Variants in NAP1L4 observed in about 807,000 individuals in gnomAD.
NAP1L4 encodes nucleosome assembly protein 1-like 4.
NAP1L4 carries 15 observed loss-of-function variants against 58.2 expected under a neutral mutation model. The observed-to-expected ratio is 0.26, with a 90% confidence interval of 0.17 to 0.40. The LOEUF (loss-of-function observed/expected upper bound fraction) is 0.40, where lower values mean the gene tolerates loss of function less well. Ranked by LOEUF, NAP1L4 falls within the 10% of genes least tolerant of loss-of-function variation. NAP1L4 has a pLI of 1.00. For missense variants in NAP1L4, 384 were observed against 451.1 expected (o/e 0.85, Z 1.35); for synonymous variants, 171 against 155.6 (o/e 1.10, Z -0.74).
At position 2,959,151 on chromosome 11, in the gene NAP1L4, ATCTT is replaced by A. The variant is rs1846717569; in HGVS notation, c.747-611_747-608del. 6.6e-6 allele frequency among the ~76,000 whole-genome samples: 1 copy of A among 152,240 alleles called. No homozygotes were observed. The highest frequency in any genetic ancestry group is 6.5e-5 in the Admixed American group (1 of 15,288). On this transcript the variant is annotated intron_variant, in intron 9 of 15. Transcript: ENST00000380542. The surrounding 1 kb of genome is among the most constrained non-coding windows in gnomAD (Gnocchi z 4.9). The stretch of plus-strand genomic sequence containing the variant: ...CATGATGTCCTGGCCCTGGAAAATC[ATCTT>A]TCTAAATTACTCTAGCAGGATTTTA...
At chr11:2,952,827 G>C (rs1005256739) in intron 12 of NAP1L4, 1 of 152,276 alleles carries the variant, frequency 6.6e-6, no homozygotes, top group African/African-American at 2.4e-5. Flanking sequence ...TGCTCCAGAT[G>C]CATCACCCAC....
chr11:2,963,562 T>C (rs1213717396), intron 8 of NAP1L4, among the ~76,000 whole-genome samples: 2 of 152,096 alleles, frequency 1.3e-5, no homozygotes, highest in East Asian at 1.9e-4. Context: ...AAGAGACAGA[T>C]ACAGGTACAT....
At chr11:2,953,215 T>C (rs575238474) in intron 12 of NAP1L4, among the ~76,000 whole-genome samples, 3 of 152,356 alleles carry the variant, frequency 2.0e-5, no homozygotes, top group Admixed American at 6.5e-5. Context: ...GCACATGTAC[T>C]ATAAGCAAAT....
chr11:2,952,130 G>A (rs1005138304), intron 12 of NAP1L4: 1 of 406,348 alleles, frequency 2.5e-6, no homozygotes, highest in Non-Finnish European at 4.4e-6. Flanking sequence ...AGGCACACAG[G>A]AAAAGATTTT....
At chr11:2,960,869 T>C (rs936674269) in intron 8 of NAP1L4, among the ~76,000 whole-genome samples, 19 of 152,208 alleles carry the variant, frequency 1.2e-4, no homozygotes, top group Non-Finnish European at 2.4e-4. Context: ...GAGTAATTTA[T>C]AGACAGTTTA....
At position 2,948,993 on chromosome 11, in the gene NAP1L4, A is replaced by G. The variant is rs994733994; in HGVS notation, c.*32+234T>C. Among the ~76,000 whole-genome samples, 3 of 152,216 alleles carry G rather than the reference A, an allele frequency of 2.0e-5. No individual in the cohort carries two copies. The highest frequency in any genetic ancestry group is 7.2e-5 in the African/African-American group (3 of 41,450). On this transcript the variant is annotated intron_variant, in intron 15 of 15. Transcript: ENST00000380542. The surrounding 1 kb of genome is among the most constrained non-coding windows in gnomAD (Gnocchi z 5.1). Reference sequence around the variant, plus strand: ...CCATCAGCAATGAAAATTACACCCAAGTTACATCTTTGCTACTTGGTTAGC... The same window carrying G: ...CCATCAGCAATGAAAATTACACCCAGGTTACATCTTTGCTACTTGGTTAGC...
rs969760282 is a variant in NAP1L4, at chr11:2,949,056, G to A, written c.*32+171C>T. 1.3e-5 allele frequency among the ~76,000 whole-genome samples: 2 copies of A among 152,176 alleles called. No homozygotes were observed. Among genetic ancestry groups the A allele is most frequent in the Non-Finnish European group, 2.9e-5 (2 of 68,030 alleles). On this transcript the variant is annotated intron_variant, in intron 15 of 15. Transcript: ENST00000380542. This position sits in a 1 kb window ranked among gnomAD's most constrained non-coding sequence, Gnocchi z 4.0. ...GCTCAGAAAGCAGGGACCAAATCTA[G>A]GTTTGGTTCGTTGATTTTAAAAGTA...
rs1473183976 is a variant in NAP1L4 at position 2,959,065 on chromosome 11, C to A, written c.747-521G>T. 1 of 158,564 alleles carries A rather than the reference C, an allele frequency of 6.3e-6. No individual in the cohort carries two copies. Among genetic ancestry groups the A allele is most frequent in the Non-Finnish European group, 1.4e-5 (1 of 71,572 alleles). 9.8% of individuals were successfully genotyped at this position (158,564 alleles called of 1,614,324 possible). Reference sequence around the variant, plus strand: ...CAATCACCACAGACCCAGGCAACACCTGGCAGATCTCAATACTGCCCGCTT... The same window carrying A: ...CAATCACCACAGACCCAGGCAACACATGGCAGATCTCAATACTGCCCGCTT... On this transcript the variant is annotated intron_variant, in intron 9 of 15. Transcript: ENST00000380542. This position sits in a 1 kb window ranked among gnomAD's most constrained non-coding sequence, Gnocchi z 4.9.
chr11:2,958,361 A>G (rs373971631), intron 10 of NAP1L4, 38 bp downstream of exon 10: 18 of 1,607,562 alleles, frequency 1.1e-5, no homozygotes, highest in African/African-American at 9.4e-5. Context: ...ATTATTTTAT[A>G]TAAGAACATA....
intron 1 of NAP1L4, among the ~76,000 whole-genome samples, chr11:2,991,612 C>T (rs1403290035): frequency 6.6e-6 from 1 of 152,186 alleles, no homozygotes; most frequent in Non-Finnish European, 1.5e-5. Context: ...CGCACAGCTC[C>T]CAACAGCTAA....
At chr11:2,953,309 C>CGG (rs1322110923) in intron 12 of NAP1L4, among the ~76,000 whole-genome samples, 1 of 152,224 alleles carries the variant, frequency 6.6e-6, no homozygotes, top group African/African-American at 2.4e-5. Context: ...TTTAAACTGA[C>CGG]GGGTGTATGA....
intron 8 of NAP1L4, among the ~76,000 whole-genome samples, chr11:2,964,446 G>A (rs985152970): frequency 5.3e-5 from 8 of 152,256 alleles, no homozygotes; most frequent in Non-Finnish European, 8.8e-5. Flanking sequence ...ACAGACTCAC[G>A]ACTACAGTGC....
Position 2,959,858 on chromosome 11 carries a change from C to T in NAP1L4, c.658G>A (p.Val220Ile), listed in dbSNP as rs148509945. The change falls in exon 9 of 16, where the codon GTC (valine) becomes ATC (isoleucine). Residue 220 changes from valine (V) to isoleucine (I), a missense_variant. Physicochemically the swap from Val to Ile is conservative, Grantham distance 29. Around this residue, in one of 3 missense-constraint regions of NAP1L4, gnomAD observed 296 missense variants for 360.8 expected, o/e 0.82. Transcript: ENST00000380542. The surrounding 1 kb of genome is among the most constrained non-coding windows in gnomAD (Gnocchi z 4.9). ...FEPNDYFTNS[V>I]LTKTYKMKSE... ...TTCATCTTGTAGGTTTTTGTCAGGA[C>T]TGAGTTGGTAAAGTAGTCGTTGGGT... is the stretch of plus-strand genomic sequence containing the variant. 1,147 of 1,614,176 alleles carry T rather than the reference C, an allele frequency of 7.1e-4. 7 individuals are homozygous for T. The African/African-American group carries it at 0.014, about 19-fold the overall frequency.
At chr11:2,965,208 G>A (rs996350259) in intron 7 of NAP1L4, among the ~76,000 whole-genome samples, 1 of 152,232 alleles carries the variant, frequency 6.6e-6, no homozygotes, top group Non-Finnish European at 1.5e-5. Context: ...TTCCCCACCT[G>A]TGGCAATAAA....
In NAP1L4 at chr11:2,954,185, T is replaced by A; in HGVS notation, c.1035+342A>T. 1 of 294,472 alleles carries A rather than the reference T, an allele frequency of 3.4e-6. No individual in the cohort carries two copies. Among genetic ancestry groups the A allele is most frequent in the Non-Finnish European group, 6.4e-6 (1 of 155,654 alleles). The allele number at this position is 294,472 out of a possible 1,614,324, so 18.2% of individuals were successfully genotyped here. Reference sequence around the variant, plus strand: ...GTCCACTGTCAATAAATGTTTGTTGTGGCCAGACCTCCATAAAAGAGATAT... The same window carrying A: ...GTCCACTGTCAATAAATGTTTGTTGAGGCCAGACCTCCATAAAAGAGATAT... On this transcript the variant is annotated intron_variant, in intron 12 of 15. Transcript: ENST00000380542. This position sits in a 1 kb window ranked among gnomAD's most constrained non-coding sequence, Gnocchi z 4.8.
chr11:2,954,226 G>T lies in NAP1L4; in HGVS notation c.1035+301C>A. Reference sequence around the variant, plus strand: ...AAAGAGATATTCCCTGTGTTCACAAGTTCCCTGAAGCTTAGGTTTTGAGAG... The same window carrying T: ...AAAGAGATATTCCCTGTGTTCACAATTTCCCTGAAGCTTAGGTTTTGAGAG... On this transcript the variant is annotated intron_variant, in intron 12 of 15. Transcript: ENST00000380542. The surrounding 1 kb of genome is among the most constrained non-coding windows in gnomAD (Gnocchi z 4.8). 1 of 449,942 alleles carries T rather than the reference G, an allele frequency of 2.2e-6. No homozygotes were observed. Among genetic ancestry groups the T allele is most frequent in the Non-Finnish European group, 4.1e-6 (1 of 246,854 alleles). 27.9% of individuals were successfully genotyped at this position (449,942 alleles called of 1,614,324 possible). A position where few individuals can be genotyped will look rare whatever the true frequency, so the allele number is the denominator to read the frequency against.
intron 1 of NAP1L4, among the ~76,000 whole-genome samples, chr11:2,987,556 G>A (rs529646749): frequency 1.8e-4 from 27 of 151,508 alleles, no homozygotes; most frequent in African/African-American, 6.5e-4. Flanking sequence ...AGGAGTTCGA[G>A]ACCAGCCTGA....
At chr11:2,958,004 G>T (rs1387765171) in intron 10 of NAP1L4, among the ~76,000 whole-genome samples, 4 of 152,222 alleles carry the variant, frequency 2.6e-5, no homozygotes, top group Non-Finnish European at 5.9e-5. Context: ...TCCCCGGGGG[G>T]TGCGAACCAG....
chr11:2,966,585 TAAAAC>T (rs1847299615), intron 7 of NAP1L4, among the ~76,000 whole-genome samples: 1 of 152,216 alleles, frequency 6.6e-6, no homozygotes, highest in Admixed American at 6.5e-5. Context: ...TCTTCTGACA[TAAAAC>T]AAAACAAAAA....
Sources: gnomAD v4.1 joint callset for allele counts (sites outside exome capture counted in the v4.1 genomes callset) on GRCh38, gnomAD v4.1.1 for gene constraint, gnomAD v4.1.1 regional missense constraint, Gnocchi (gnomAD v3.1) non-coding constraint, MANE v1.5 for transcripts, NCBI Gene and HGNC (gene_info 2026-07-23, HGNC 2026-07-21) for gene names.